Variants in F13A1 observed in about 807,000 individuals in gnomAD.
F13A1 encodes the protein coagulation factor XIII A chain.
F13A1 carries 47 observed loss-of-function variants against 80.1 expected under a neutral mutation model. The observed-to-expected ratio is 0.59, with a 90% CI of 0.46 to 0.75. The LOEUF is 0.75. Among genes scored for constraint, F13A1 ranks in the 30% least tolerant of loss-of-function variants. The pLI is 0.00. For missense variants in F13A1, 817 were observed against 930.4 expected (o/e 0.88, Z 1.59); for synonymous variants, 349 against 344.9 (o/e 1.01, Z -0.13).
intron 3 of F13A1, among the ~76,000 whole-genome samples, chr6:6,275,472 C>G (rs770721534): frequency 6.6e-6 from 1 of 152,034 alleles, no homozygotes; most frequent in African/African-American, 2.4e-5. Flanking sequence ...CAGGTTCAAG[C>G]GATTCTCCTG....
Position 6,236,189 on chromosome 6 carries a change from T to A in F13A1, c.799-11329A>T, listed in dbSNP as rs76601039. Among the ~76,000 whole-genome samples the A allele has an allele frequency of 7.8e-3, 1,192 of 152,198 alleles. 35 individuals carry two copies. In the East Asian group the frequency reaches 0.087, roughly 11 times the overall value. On this transcript the variant is annotated intron_variant, in intron 6 of 14. Transcript: ENST00000264870. ...AGGAAGAAATTACAATAAGGAAACT[T>A]CTGGGGGCAATGGATATATTCATTA...
rs1758653391 is a variant in F13A1, at chr6:6,314,545, C to G, written c.130+3990G>C. Among the ~76,000 whole-genome samples, 4 of 152,188 alleles carry G rather than the reference C, an allele frequency of 2.6e-5. No homozygotes were observed. In the South Asian group the frequency reaches 8.3e-4, roughly 32 times the overall value. ...ATACTCATCCTCTAAGTCTCGGCTCCAATATCCTTGCATCAGGAAGCCCTC... is the reference window on the plus strand; with the variant it reads ...ATACTCATCCTCTAAGTCTCGGCTCGAATATCCTTGCATCAGGAAGCCCTC... On this transcript the variant is annotated intron_variant, in intron 2 of 14. Coordinates refer to ENST00000264870, the MANE Select transcript of F13A1 (RefSeq NM_000129.4).
rs944892666 is a variant in F13A1 at position 6,162,706 on chromosome 6, A to G, written c.1908+4752T>C. On this transcript the variant is annotated intron_variant, in intron 13 of 14. Transcript: ENST00000264870. This position sits in a 1 kb window ranked among gnomAD's most constrained non-coding sequence, Gnocchi z 4.2. ...GTGTGCACTGTGACTCGGGCATCCAATGACTCATAAAAAACTCACAAGGAC... is the reference window on the plus strand; with the variant it reads ...GTGTGCACTGTGACTCGGGCATCCAGTGACTCATAAAAAACTCACAAGGAC... Among the ~76,000 whole-genome samples the G allele has an allele frequency of 6.6e-6, 1 of 152,220 alleles. No homozygotes were observed. Among genetic ancestry groups the G allele is most frequent in the African/African-American group, 2.4e-5 (1 of 41,462 alleles).
chr6:6,234,258 G>A (rs745408995), intron 6 of F13A1, among the ~76,000 whole-genome samples: 18 of 152,054 alleles, frequency 1.2e-4, no homozygotes, highest in Non-Finnish European at 2.1e-4. Context: ...AAAGTTTCTG[G>A]ATACAAGATT....
At chr6:6,314,004 G>A (rs1742946) in intron 2 of F13A1, among the ~76,000 whole-genome samples, 97,800 of 138,114 alleles carry the variant, frequency 0.71, 34,718 homozygotes, top group East Asian at 0.85. Context: ...TTTTTGAAAC[G>A]GAGTCTTGGT....
intron 6 of F13A1, among the ~76,000 whole-genome samples, chr6:6,244,914 A>G (rs937546173): frequency 3.9e-5 from 6 of 152,184 alleles, no homozygotes; most frequent in African/African-American, 1.4e-4. Context: ...GTGAGTTAGG[A>G]AGACAGATTC....
At chr6:6,260,710 A>T (rs1757767782) in intron 4 of F13A1, among the ~76,000 whole-genome samples, 1 of 152,194 alleles carries the variant, frequency 6.6e-6, no homozygotes, top group Non-Finnish European at 1.5e-5. Flanking sequence ...ATTTAAAAAA[A>T]TGGTGTTCAG....
intron 10 of F13A1, among the ~76,000 whole-genome samples, chr6:6,183,441 C>T (rs1249166384): frequency 1.3e-5 from 2 of 152,092 alleles, no homozygotes; most frequent in Admixed American, 6.5e-5. Flanking sequence ...TGGTTGCTGC[C>T]ATTAGAGAGT....
chr6:6,296,862 A>C (rs1758336507), intron 3 of F13A1, among the ~76,000 whole-genome samples: 1 of 148,820 alleles, frequency 6.7e-6, no homozygotes, highest in Non-Finnish European at 1.5e-5. Flanking sequence ...TGGCCCATTC[A>C]GTATGATATT....
intron 6 of F13A1, among the ~76,000 whole-genome samples, chr6:6,227,286 ACT>A (rs1201261471): frequency 2.0e-5 from 3 of 152,134 alleles, no homozygotes. Flanking sequence ...TCCCCCTTTA[ACT>A]CTGTGTCCAG....
intron 3 of F13A1, among the ~76,000 whole-genome samples, chr6:6,284,663 A>G (rs1443213756): frequency 1.3e-5 from 2 of 152,186 alleles, no homozygotes; most frequent in Admixed American, 6.5e-5. Context: ...ATGCAGCCAG[A>G]CACTTGATTC....
chr6:6,226,933 G>C (rs942637291), intron 6 of F13A1, among the ~76,000 whole-genome samples: 2 of 152,066 alleles, frequency 1.3e-5, no homozygotes, highest in African/African-American at 4.8e-5. Flanking sequence ...GGTGATGCTG[G>C]GGGGCCTAAT....
At chr6:6,269,065 G>C (rs4960181) in intron 3 of F13A1, among the ~76,000 whole-genome samples, 79,086 of 151,512 alleles carry the variant, frequency 0.52, 21,729 homozygotes, top group African/African-American at 0.72. Flanking sequence ...TTTCTTTTTT[G>C]CTCTCTGGTT....
chr6:6,248,043 T>A lies in F13A1; in HGVS notation c.798+269A>T, dbSNP rs190420901. ...CCTCAGTCTCTAGGCAAGGGGTTCTTAAGAATAACTGGTCTACAGTATCAT... is the reference window on the plus strand; with the variant it reads ...CCTCAGTCTCTAGGCAAGGGGTTCTAAAGAATAACTGGTCTACAGTATCAT... On this transcript the variant is annotated intron_variant, in intron 6 of 14. Transcript: ENST00000264870. Among the ~76,000 whole-genome samples the A allele has an allele frequency of 3.0e-3, 451 of 152,346 alleles. 6 individuals are homozygous for A. Among genetic ancestry groups the A allele is most frequent in the Admixed American group, 0.019 (292 of 15,302 alleles).
chr6:6,159,946 G>T (rs185356976), intron 13 of F13A1, among the ~76,000 whole-genome samples: 4 of 152,148 alleles, frequency 2.6e-5, no homozygotes, highest in African/African-American at 7.2e-5. Flanking sequence ...AGAAAGTGGC[G>T]CAACCTTTCC....
intron 12 of F13A1, 91 bp downstream of exon 12, chr6:6,174,489 C>T: frequency 7.0e-7 from 1 of 1,432,214 alleles, no homozygotes; most frequent in Non-Finnish European, 9.8e-7. Flanking sequence ...GGAACTTTAA[C>T]TTTGATATAA....
At position 6,174,639 on chromosome 6, in the gene F13A1, C is replaced by T. The variant is rs747441200; in HGVS notation, c.1688G>A (p.Gly563Glu). 6.2e-7 allele frequency: 1 copy of T among 1,614,120 alleles called. No homozygotes were observed. The highest frequency in any genetic ancestry group is 8.5e-7 in the Non-Finnish European group (1 of 1,180,028). The change falls in exon 12 of 15, where the codon GGG (glycine) becomes GAG (glutamate). Residue 563 changes from glycine (G) to glutamate (E), a missense_variant. Coordinates refer to ENST00000264870, the MANE Select transcript of F13A1 (RefSeq NM_000129.4). ...CTTCTTGAATTCTGCCTTCGGGACC[C>T]CGGTGTAGAAGGTGATGTTGGCTGA... ...YLSANITFYT[G>E]VPKAEFKKET... is the part of the protein sequence containing the mutation.
rs766867184 is a variant in F13A1, at chr6:6,174,634, G to C, written c.1693C>G (p.Pro565Ala). ...SANITFYTGV[P>A]KAEFKKETFD... The stretch of plus-strand genomic sequence containing the variant: ...GTCTCCTTCTTGAATTCTGCCTTCG[G>C]GACCCCGGTGTAGAAGGTGATGTTG... Residue 565 changes from proline to alanine, a missense_variant, in exon 12 of 15, where the codon CCG becomes GCG. Transcript: ENST00000264870. The C allele has an allele frequency of 6.2e-7, 1 of 1,614,170 alleles. No individual in the cohort carries two copies. Among genetic ancestry groups the C allele is most frequent in the South Asian group, 1.1e-5 (1 of 91,074 alleles).
At position 6,180,312 on chromosome 6, in the gene F13A1, G is replaced by A. The variant is rs1265352650; in HGVS notation, c.1459+1676C>T. On this transcript the variant is annotated intron_variant, in intron 11 of 14. Transcript: ENST00000264870. Reference sequence around the variant, plus strand: ...TGGCTGAGAGCCTTTCTCTGTGCCCGGCAGCACCCGTCCACCCTGTGCCAG... The same window carrying A: ...TGGCTGAGAGCCTTTCTCTGTGCCCAGCAGCACCCGTCCACCCTGTGCCAG... Among the ~76,000 whole-genome samples the A allele has an allele frequency of 2.0e-5, 3 of 152,158 alleles. No individual in the cohort carries two copies. In the East Asian group the frequency reaches 5.8e-4, roughly 29 times the overall value.
Sources: allele counts gnomAD v4.1 joint callset (sites outside exome capture counted in the v4.1 genomes callset), GRCh38; gene constraint gnomAD v4.1.1; non-coding constraint Gnocchi (gnomAD v3.1); transcripts MANE v1.5; gene names NCBI Gene and HGNC (gene_info 2026-07-23, HGNC 2026-07-21).